NAA16: variants seen among roughly 807,000 people sequenced by gnomAD.
NAA16 encodes NARG1-like protein.
Under a neutral mutation model 110.3 loss-of-function variants are expected in NAA16, and 97 were observed. The observed-to-expected ratio is 0.88, with a 90% CI of 0.75 to 1.04. NAA16 has a LOEUF of 1.04. Among genes scored for constraint, NAA16 ranks in the 50% least tolerant of loss-of-function variants. The pLI is 0.00. For missense variants in NAA16, 1,017 were observed against 1,005.1 expected (o/e 1.01, Z -0.16); for synonymous variants, 372 against 330.6 (o/e 1.13, Z -1.36).
intron 10 of NAA16, among the ~76,000 whole-genome samples, chr13:41,357,097 G>T (rs1289309166): frequency 6.6e-6 from 1 of 152,200 alleles, no homozygotes; most frequent in African/African-American, 2.4e-5. Flanking sequence ...GAGGCAGAAA[G>T]ATCTCTTGAA....
intron 9 of NAA16, among the ~76,000 whole-genome samples, chr13:41,353,268 A>C (rs2042889780): frequency 1.3e-5 from 2 of 152,220 alleles, no homozygotes; most frequent in Admixed American, 1.3e-4. Context: ...AAGTTTAACA[A>C]CTTGAGTACT....
At chr13:41,371,346 A>G (rs771851863) in intron 15 of NAA16, among the ~76,000 whole-genome samples, 4 of 152,230 alleles carry the variant, frequency 2.6e-5, no homozygotes, top group Non-Finnish European at 5.9e-5. Flanking sequence ...CAAACAGTGG[A>G]AAGATTGGTA....
intron 9 of NAA16, among the ~76,000 whole-genome samples, 168 bp downstream of exon 9, chr13:41,336,924 A>C (rs1252534573): frequency 6.6e-6 from 1 of 152,216 alleles, no homozygotes; most frequent in African/African-American, 2.4e-5. Context: ...AGTAATATCA[A>C]AGTAAAGGGT....
At chr13:41,365,222 G>C (rs2043186604) in intron 13 of NAA16, among the ~76,000 whole-genome samples, 1 of 152,086 alleles carries the variant, frequency 6.6e-6, no homozygotes, top group Non-Finnish European at 1.5e-5. Flanking sequence ...TCAACCCAAG[G>C]GGGAGCTTCT....
chr13:41,359,916 G>A (rs1423544933), intron 12 of NAA16, among the ~76,000 whole-genome samples: 4 of 152,156 alleles, frequency 2.6e-5, no homozygotes, highest in African/African-American at 9.7e-5. Context: ...CTTTATGCTT[G>A]AGGTAGGAAG....
chr13:41,339,794 A>C (rs1450359000), intron 9 of NAA16, among the ~76,000 whole-genome samples: 2 of 151,612 alleles, frequency 1.3e-5, no homozygotes, highest in East Asian at 3.9e-4. Flanking sequence ...TCTGGCCTTA[A>C]GTGATTCACC....
At chr13:41,312,514 A>G (rs1402099756) in intron 1 of NAA16, among the ~76,000 whole-genome samples, 1 of 152,106 alleles carries the variant, frequency 6.6e-6, no homozygotes, top group Non-Finnish European at 1.5e-5. Context: ...TTAAACTAAT[A>G]TTGTTAGTAG....
At chr13:41,316,955 T>G in intron 2 of NAA16, 25 bp downstream of exon 2, 1 of 1,493,606 alleles carries the variant, frequency 6.7e-7, no homozygotes, top group Non-Finnish European at 9.3e-7. Context: ...GAGAGATTGC[T>G]TTAGGGAAAT....
At chr13:41,374,191 G>C (rs2043381762) in intron 18 of NAA16, among the ~76,000 whole-genome samples, 1 of 151,504 alleles carries the variant, frequency 6.6e-6, no homozygotes, top group Non-Finnish European at 1.5e-5. Flanking sequence ...GCCCAGGCTG[G>C]AGTATGTTTT....
At chr13:41,375,092 T>C (rs958663854) in intron 19 of NAA16, among the ~76,000 whole-genome samples, 2 of 152,234 alleles carry the variant, frequency 1.3e-5, no homozygotes, top group Non-Finnish European at 2.9e-5. Context: ...AAACGTGAAG[T>C]CCTTAGTGCC....
chr13:41,342,130 C>CCTCT (rs542884744), intron 9 of NAA16, among the ~76,000 whole-genome samples: 2 of 147,644 alleles, frequency 1.4e-5, no homozygotes, highest in African/African-American at 5.0e-5. Context: ...CCGCACCGGG[C>CCTCT]CTCTCTCTCT....
intron 1 of NAA16, among the ~76,000 whole-genome samples, chr13:41,313,025 A>G (rs1478709083): frequency 6.6e-6 from 1 of 152,020 alleles, no homozygotes; most frequent in Non-Finnish European, 1.5e-5. Context: ...TAATGATAAT[A>G]TCATTTATAA....
At chr13:41,345,479 G>T (rs555515584) in intron 9 of NAA16, among the ~76,000 whole-genome samples, 1 of 151,992 alleles carries the variant, frequency 6.6e-6, no homozygotes, top group Non-Finnish European at 1.5e-5. Context: ...TGTTCTTTGG[G>T]GAAATGTCAT....
chr13:41,361,755 G>A (rs1384494132), intron 12 of NAA16, among the ~76,000 whole-genome samples: 1 of 152,154 alleles, frequency 6.6e-6, no homozygotes, highest in Non-Finnish European at 1.5e-5. Context: ...ATTCAGAATG[G>A]CATGCAGTTG....
At chr13:41,337,920 T>C (rs2042425423) in intron 9 of NAA16, among the ~76,000 whole-genome samples, 1 of 129,140 alleles carries the variant, frequency 7.7e-6, no homozygotes, top group South Asian at 3.1e-4. Context: ...ACTGATGATA[T>C]CTAGTACCCA....
At chr13:41,346,434 A>G (rs1197133987) in intron 9 of NAA16, among the ~76,000 whole-genome samples, 2 of 152,200 alleles carry the variant, frequency 1.3e-5, no homozygotes, top group Non-Finnish European at 2.9e-5. Flanking sequence ...GAAAAAACAC[A>G]GTTTATCACA....
chr13:41,340,772 G>A (rs1027458609), intron 9 of NAA16, among the ~76,000 whole-genome samples: 13 of 143,574 alleles, frequency 9.1e-5, no homozygotes, highest in African/African-American at 3.3e-4. Context: ...CGCCTCCCGG[G>A]TTCACGCCAT....
intron 18 of NAA16, 118 bp downstream of exon 18, chr13:41,373,898 A>T: frequency 2.9e-6 from 4 of 1,379,364 alleles, no homozygotes; most frequent in Non-Finnish European, 3.8e-6. Flanking sequence ...TGGGGAGAGA[A>T]ATGTGGACAA....
chr13:41,349,689 G>T (rs191510807), intron 9 of NAA16, among the ~76,000 whole-genome samples: 1 of 152,118 alleles, frequency 6.6e-6, no homozygotes, highest in Admixed American at 6.5e-5. Flanking sequence ...ACGTGGCCGG[G>T]TGTGGTGGCT....
Sources: gnomAD v4.1 joint callset for allele counts (sites outside exome capture counted in the v4.1 genomes callset) on GRCh38, gnomAD v4.1.1 for gene constraint, MANE v1.5 for transcripts, NCBI Gene and HGNC (gene_info 2026-07-23, HGNC 2026-07-21) for gene names.